The following ROBO2 variants were observed in gnomAD, a reference collection of about 807,000 sequenced individuals.
ROBO2 encodes roundabout guidance receptor 2, also known as roundabout homolog 2.
Under a neutral mutation model 160.8 loss-of-function variants are expected in ROBO2, and 53 were observed. The observed-to-expected ratio is 0.33, with a 90% CI of 0.26 to 0.41. ROBO2 has a LOEUF of 0.41. ROBO2 is among the 10% of genes least tolerant of loss of function. The probability of loss-of-function intolerance (pLI) is 1.00; values close to 1 mark genes in which losing one functional copy is unlikely to be tolerated. For missense variants in ROBO2, 1,577 were observed against 1,722.4 expected (o/e 0.92, Z 1.49); for synonymous variants, 664 against 611.7 (o/e 1.09, Z -1.26).
intron 2 of ROBO2, among the ~76,000 whole-genome samples, chr3:76,337,858 G>A (rs150703548): frequency 1.4e-4 from 21 of 152,022 alleles, no homozygotes; most frequent in South Asian, 4.2e-4. Context: ...AAAACCCAAC[G>A]TTCAAAAGTA....
intron 2 of ROBO2, among the ~76,000 whole-genome samples, chr3:75,965,968 G>C (rs1949095579): frequency 6.6e-6 from 1 of 151,708 alleles, no homozygotes; most frequent in Non-Finnish European, 1.5e-5. Flanking sequence ...AGTTTATCTT[G>C]AAATTCTGTA....
chr3:76,074,667 A>G (rs2068584448), intron 2 of ROBO2, among the ~76,000 whole-genome samples: 1 of 152,234 alleles, frequency 6.6e-6, no homozygotes, highest in South Asian at 2.1e-4. Context: ...AATACTTGCC[A>G]TTAATCTGGA....
intron 1 of ROBO2, among the ~76,000 whole-genome samples, chr3:75,914,188 C>T (rs1254937498): frequency 6.6e-6 from 1 of 152,032 alleles, no homozygotes; most frequent in African/African-American, 2.4e-5. Context: ...ATTGTCCTTC[C>T]TAAAAGCTCC....
chr3:76,011,495 G>A (rs2066193098), intron 2 of ROBO2, among the ~76,000 whole-genome samples: 1 of 152,138 alleles, frequency 6.6e-6, no homozygotes, highest in Non-Finnish European at 1.5e-5. Flanking sequence ...ACTAGTTTTG[G>A]TTAGTAAAAT....
At chr3:77,464,557 G>A (rs141079074) in intron 2 of ROBO2, among the ~76,000 whole-genome samples, 17 of 152,204 alleles carry the variant, frequency 1.1e-4, no homozygotes, top group African/African-American at 3.6e-4. Context: ...GGGAGGAAGG[G>A]GACTATTCAG....
At chr3:76,657,063 C>CT (rs1425235420) in intron 2 of ROBO2, among the ~76,000 whole-genome samples, 1 of 151,948 alleles carries the variant, frequency 6.6e-6, no homozygotes, top group East Asian at 1.9e-4. Flanking sequence ...TTGGATTCCT[C>CT]TTTTTTTTCC....
At chr3:77,406,101 GAAGGTGAAGGGAAAGC>G (rs1319951313) in intron 2 of ROBO2, among the ~76,000 whole-genome samples, 39 of 152,350 alleles carry the variant, frequency 2.6e-4, no homozygotes, top group African/African-American at 8.9e-4. Context: ...AGTCATGGCA[GAAGGTGAAGGGAAAGC>G]AAGGCACAGC....
chr3:76,605,708 A>C (rs1233986480), intron 2 of ROBO2, among the ~76,000 whole-genome samples: 2 of 152,170 alleles, frequency 1.3e-5, no homozygotes, highest in Non-Finnish European at 2.9e-5. Flanking sequence ...AATTAGGGAT[A>C]TTTAACATGG....
At chr3:77,537,735 G>A (rs114568444) in intron 6 of ROBO2, among the ~76,000 whole-genome samples, 3,898 of 152,226 alleles carry the variant, frequency 0.026, 136 homozygotes, top group East Asian at 0.17. Context: ...GCTCCACATG[G>A]CTGGGGAGGC....
chr3:77,471,974 C>T (rs757231338), intron 2 of ROBO2, among the ~76,000 whole-genome samples: 2 of 152,084 alleles, frequency 1.3e-5, no homozygotes, highest in African/African-American at 4.8e-5. Flanking sequence ...AATTGAATAC[C>T]TTCTGGAGGA....
intron 2 of ROBO2, among the ~76,000 whole-genome samples, chr3:77,468,122 T>C (rs1389680641): frequency 1.3e-5 from 2 of 152,178 alleles, no homozygotes; most frequent in Non-Finnish European, 2.9e-5. Context: ...GATAGCTCTT[T>C]AAGGGAGAAA....
intron 2 of ROBO2, among the ~76,000 whole-genome samples, chr3:76,277,929 T>G (rs1708021334): frequency 6.7e-6 from 1 of 148,240 alleles, no homozygotes; most frequent in African/African-American, 2.5e-5. Flanking sequence ...AGTTTTTTGT[T>G]TTTTTTTTTT....
chr3:76,917,786 T>TA (rs5850301), intron 2 of ROBO2, among the ~76,000 whole-genome samples: 19 of 151,270 alleles, frequency 1.3e-4, no homozygotes, highest in South Asian at 4.2e-4. Context: ...AGTTTTATTC[T>TA]AAAAAAAAAT....
chr3:77,227,428 A>G (rs1293960813), intron 2 of ROBO2, among the ~76,000 whole-genome samples: 1 of 152,190 alleles, frequency 6.6e-6, no homozygotes, highest in African/African-American at 2.4e-5. Context: ...AGATATTTCA[A>G]AAGGTAAATA....
chr3:76,831,993 A>G (rs1185974814), intron 2 of ROBO2, among the ~76,000 whole-genome samples: 1 of 152,126 alleles, frequency 6.6e-6, no homozygotes, highest in African/African-American at 2.4e-5. Flanking sequence ...ATTTAGGGGG[A>G]AGGGCAAAAA....
At chr3:76,675,775 A>T (rs1442187301) in intron 2 of ROBO2, among the ~76,000 whole-genome samples, 1 of 152,154 alleles carries the variant, frequency 6.6e-6, no homozygotes, top group Non-Finnish European at 1.5e-5. Flanking sequence ...GAATTTAAAC[A>T]CGTTAAGAGG....
chr3:76,456,116 G>A (rs1275911927), intron 2 of ROBO2, among the ~76,000 whole-genome samples: 1 of 152,152 alleles, frequency 6.6e-6, no homozygotes, highest in Non-Finnish European at 1.5e-5. Flanking sequence ...GTTTGGTTAT[G>A]AGAAAATGTG....
At chr3:76,114,467 A>G (rs1302602968) in intron 2 of ROBO2, among the ~76,000 whole-genome samples, 1 of 152,142 alleles carries the variant, frequency 6.6e-6, no homozygotes, top group Non-Finnish European at 1.5e-5. Flanking sequence ...ACATCAAATA[A>G]TATTTTAATG....
At chr3:76,375,574 G>T (rs554379979) in intron 2 of ROBO2, among the ~76,000 whole-genome samples, 1 of 152,026 alleles carries the variant, frequency 6.6e-6, no homozygotes, top group East Asian at 1.9e-4. Flanking sequence ...ATATGAAGTA[G>T]AAATGAATAT....
Sources: gnomAD v4.1 joint callset for allele counts (sites outside exome capture counted in the v4.1 genomes callset) on GRCh38, gnomAD v4.1.1 for gene constraint, MANE v1.5 for transcripts, NCBI Gene and HGNC (gene_info 2026-07-23, HGNC 2026-07-21) for gene names.